Variants in CASD1 observed in about 807,000 individuals in gnomAD.
CASD1 encodes the protein N-acetylneuraminate (7)9-O-acetyltransferase.
CASD1 carries 41 observed loss-of-function variants against 100.0 expected under a neutral mutation model. The ratio of observed to expected loss-of-function variants is 0.41; its 90% CI spans 0.32 to 0.53. The LOEUF (loss-of-function observed/expected upper bound fraction) is 0.53. CASD1 is among the 20% of genes least tolerant of loss of function. The pLI is 0.25. For synonymous variants in CASD1, 321 were observed against 315.6 expected (o/e 1.02, Z -0.18); for missense variants, 774 against 948.7 (o/e 0.82, Z 2.42).
chr7:94,552,435 C>A lies in CASD1; in HGVS notation c.2034+8C>A, dbSNP rs1187505003. On this transcript the variant is annotated splice_region_variant and intron_variant, in intron 16 of 17. Coordinates refer to ENST00000297273, the MANE Select transcript of CASD1 (RefSeq NM_022900.5). ...TCTGTTTCTGTGGTACAGGTACTAT[C>A]TTGATTTAGAGAAATTTCTACATCT... The A allele has an allele frequency of 3.8e-6, 6 of 1,579,996 alleles. No homozygotes were observed. The highest frequency in any genetic ancestry group is 2.8e-5 in the African/African-American group (2 of 72,526).
the CASD1 span, chr7:94,598,810 A>G: frequency 3.7e-6 from 6 of 1,613,448 alleles, no homozygotes; most frequent in Middle Eastern, 1.6e-4. Context: ...TTGTGCTATC[A>G]TAGTTGTCTG....
chr7:94,516,619 G>GC (rs1047283557), intron 1 of CASD1, among the ~76,000 whole-genome samples: 217 of 151,516 alleles, frequency 1.4e-3, no homozygotes, highest in African/African-American at 5.1e-3. Context: ...ATCTAATTCT[G>GC]CCCCCCCACA....
intron 1 of CASD1, among the ~76,000 whole-genome samples, chr7:94,512,786 CAT>C: frequency 6.6e-6 from 1 of 152,258 alleles, no homozygotes; most frequent in Admixed American, 6.5e-5. Context: ...CTTACTGTGA[CAT>C]AAAATAATCA....
chr7:94,530,741 TGAATGGAAGAAATTGAATA>T (rs1170897115), intron 5 of CASD1, among the ~76,000 whole-genome samples: 4 of 152,038 alleles, frequency 2.6e-5, no homozygotes, highest in Non-Finnish European at 5.9e-5. Context: ...TGAAGTTATT[TGAATGGAAGAAATTGAATA>T]GGCAGAGAAT....
chr7:94,573,784 A>T, the CASD1 span, among the ~76,000 whole-genome samples: 1 of 152,088 alleles, frequency 6.6e-6, no homozygotes. Flanking sequence ...GAGTGATGAG[A>T]GAGGGAATTC....
chr7:94,596,541 G>A, the CASD1 span, among the ~76,000 whole-genome samples: 1 of 151,980 alleles, frequency 6.6e-6, no homozygotes, highest in Non-Finnish European at 1.5e-5. Context: ...CTTTTCCTAT[G>A]GATTCACAAA....
Position 94,509,882 on chromosome 7 carries a change from A to C in CASD1, c.-203A>C. 9.6e-7 allele frequency: 1 copy of C among 1,042,250 alleles called. No individual in the cohort carries two copies. Among genetic ancestry groups the C allele is most frequent in the Non-Finnish European group, 1.2e-6 (1 of 867,398 alleles). 64.6% of individuals were successfully genotyped at this position (1,042,250 alleles called of 1,614,324 possible). ...CGGCGGGGCTGGGGGGAGGCCGCCG[A>C]GTCGGCCGCGGCCGAGGAGGGGCAG... On this transcript the variant is annotated 5_prime_UTR_variant, in exon 1 of 18. Transcript: ENST00000297273.
Position 94,554,562 on chromosome 7 carries a change from A to T in CASD1, c.2114A>T (p.Lys705Ile). The part of the protein sequence containing the change: ...VYSSFFAWFG[K>I]ISLELFICQY... ...AGTTCATTTTTTGCTTGGTTTGGAA[A>T]AATTTCATTAGAGGTTGGTACATTA... The change falls in exon 17 of 18, where the codon AAA becomes ATA. Residue 705 changes from lysine (K) to isoleucine (I), a missense_variant. By Grantham distance (102) the Lys-to-Ile change is moderately radical. Coordinates refer to ENST00000297273, the MANE Select transcript of CASD1 (RefSeq NM_022900.5). The T allele has an allele frequency of 6.2e-7, 1 of 1,607,056 alleles. No homozygotes were observed. The highest frequency in any genetic ancestry group is 2.2e-5 in the East Asian group (1 of 44,690).
At chr7:94,625,579 T>C in the CASD1 span, 3 of 152,262 alleles carry the variant, frequency 2.0e-5, no homozygotes, top group South Asian at 4.1e-4. Flanking sequence ...TTATTATAAT[T>C]GCATGAATGC....
chr7:94,517,532 A>G (rs764382308), intron 1 of CASD1, 28 bp from the exon 2 acceptor site: 3 of 1,410,920 alleles, frequency 2.1e-6, no homozygotes, highest in Admixed American at 1.9e-5. Flanking sequence ...ACTATTGTTT[A>G]CAACACTGTT....
the CASD1 span, among the ~76,000 whole-genome samples, chr7:94,563,102 T>C: frequency 6.6e-6 from 1 of 152,164 alleles, no homozygotes; most frequent in African/African-American, 2.4e-5. Flanking sequence ...TTAGGGGGGT[T>C]CTGCTCTATG....
At chr7:94,560,181 TAAGAC>T (rs996494800), downstream of CASD1, among the ~76,000 whole-genome samples, 5 of 152,222 alleles carry the variant, frequency 3.3e-5, no homozygotes, top group African/African-American at 1.2e-4. Context: ...CCTTCCTTCA[TAAGAC>T]TAGACTAGAC....
chr7:94,611,169 T>C, the CASD1 span, among the ~76,000 whole-genome samples: 442 of 152,158 alleles, frequency 2.9e-3, 6 homozygotes, highest in African/African-American at 0.01. Flanking sequence ...AAAATGAAAA[T>C]ATATGTCTAC....
the CASD1 span, among the ~76,000 whole-genome samples, chr7:94,565,711 CGTT>C: frequency 6.6e-6 from 1 of 152,194 alleles, no homozygotes; most frequent in Admixed American, 6.5e-5. Context: ...AAGGGCTTCT[CGTT>C]GCCTGCCGAG....
chr7:94,576,072 C>G, the CASD1 span, among the ~76,000 whole-genome samples: 3 of 152,158 alleles, frequency 2.0e-5, no homozygotes, highest in South Asian at 4.1e-4. Context: ...TCCTGTCTGT[C>G]TCTTGCTCTC....
At chr7:94,600,443 G>T in the CASD1 span, 1 of 543,180 alleles carries the variant, frequency 1.8e-6, no homozygotes, top group African/African-American at 1.9e-5. Context: ...TTTGAATAAA[G>T]TAATTATATC....
At chr7:94,586,481 C>T in the CASD1 span, 2 of 152,126 alleles carry the variant, frequency 1.3e-5, no homozygotes, top group African/African-American at 4.8e-5. Context: ...AGGCATGCCT[C>T]CATTTAGGTT....
At chr7:94,530,267 G>T (rs1199755199) in intron 5 of CASD1, among the ~76,000 whole-genome samples, 1 of 152,156 alleles carries the variant, frequency 6.6e-6, no homozygotes, top group African/African-American at 2.4e-5. Context: ...GAAACAGCTT[G>T]TGCAATGATG....
intron 3 of CASD1, among the ~76,000 whole-genome samples, chr7:94,525,789 A>G (rs1317640190): frequency 1.3e-5 from 2 of 152,348 alleles, no homozygotes; most frequent in East Asian, 1.9e-4. Flanking sequence ...AGAAGCACCA[A>G]CAAGAATCTA....
Sources: gnomAD v4.1 joint callset for allele counts (sites outside exome capture counted in the v4.1 genomes callset) on GRCh38, gnomAD v4.1.1 for gene constraint, MANE v1.5 for transcripts, NCBI Gene and HGNC (gene_info 2026-07-23, HGNC 2026-07-21) for gene names.